The following TLL1 variants were observed in gnomAD, a reference collection of about 807,000 sequenced individuals.
TLL1 encodes the protein tolloid-like protein 1.
A neutral mutation model predicts 128.2 loss-of-function variants in TLL1; 49 were observed. The ratio of observed to expected loss-of-function variants is 0.38; its 90% CI spans 0.30 to 0.48. The LOEUF (loss-of-function observed/expected upper bound fraction) is 0.48. Among genes scored for constraint, TLL1 ranks in the 20% least tolerant of loss-of-function variants. The pLI is 0.96. For synonymous variants in TLL1, 454 were observed against 418.8 expected, an observed-to-expected ratio of 1.08 and a Z score of -1.03; for missense variants, 1,123 against 1,242.0, an observed-to-expected ratio of 0.90 and a Z score of 1.44.
At chr4:165,913,064 A>T (rs1310061468) in intron 1 of TLL1, among the ~76,000 whole-genome samples, 1 of 152,210 alleles carries the variant, frequency 6.6e-6, no homozygotes, top group Non-Finnish European at 1.5e-5. Context: ...CAGTTTTTGA[A>T]ATAAGAGATT....
In TLL1 at chr4:166,025,434, A is replaced by G; in HGVS notation, c.1158+3A>G. The G allele has an allele frequency of 6.3e-7, 1 of 1,585,426 alleles. No individual in the cohort carries two copies. Among genetic ancestry groups the G allele is most frequent in the South Asian group, 1.1e-5 (1 of 90,464 alleles). ...TTTCTGTGACCCCAGGGGAGAAGGT[A>G]GTTTATACCGTCAAGCCCACTATTT... On this transcript the variant is annotated splice_donor_region_variant and intron_variant, in intron 9 of 20. Coordinates refer to ENST00000061240, the MANE Select transcript of TLL1 (RefSeq NM_012464.5).
chr4:166,065,795 A>G lies in TLL1; in HGVS notation c.2120A>G (p.Asn707Ser), dbSNP rs748435511. 13 of 1,613,150 alleles carry G rather than the reference A, an allele frequency of 8.1e-6. No individual in the cohort carries two copies. Among genetic ancestry groups the G allele is most frequent in the Non-Finnish European group, 1.1e-5 (13 of 1,179,352 alleles). Residue 707 changes from asparagine to serine, a missense_variant, in exon 16 of 21, where the codon AAT (asparagine) becomes AGT (serine). Around this residue, in one of 3 missense-constraint regions of TLL1, gnomAD observed 634 missense variants for 672.4 expected, o/e 0.94. Coordinates refer to ENST00000061240, the MANE Select transcript of TLL1 (RefSeq NM_012464.5). ...VPEVITSQFN[N>S]MRIEFKSDNT... The stretch of plus-strand genomic sequence containing the variant: ...GAAGTGATCACATCCCAGTTCAACA[A>G]TATGAGAATTGAATTCAAATCTGAC...
chr4:166,003,598 A>T, intron 6 of TLL1, 29 bp downstream of exon 6: 1 of 1,608,642 alleles, frequency 6.2e-7, no homozygotes. Context: ...GTTGGGTTTA[A>T]GGCTGACTGG....
intron 1 of TLL1, among the ~76,000 whole-genome samples, chr4:165,893,862 G>A (rs1037848710): frequency 2.0e-5 from 3 of 151,990 alleles, no homozygotes; most frequent in African/African-American, 7.2e-5. Context: ...ATACAGAAGG[G>A]ATCCAAGCAA....
intron 1 of TLL1, among the ~76,000 whole-genome samples, chr4:165,981,968 A>C (rs1736167197): frequency 6.6e-6 from 1 of 152,046 alleles, no homozygotes; most frequent in Admixed American, 6.6e-5. Flanking sequence ...GCATGATTTC[A>C]AAGGGAAACT....
At chr4:166,030,632 G>T (rs779242057) in intron 9 of TLL1, 69 of 734,592 alleles carry the variant, frequency 9.4e-5, no homozygotes, top group Non-Finnish European at 1.3e-4. Context: ...GAGTTCTATA[G>T]TTTTACAGTC....
intron 16 of TLL1, among the ~76,000 whole-genome samples, chr4:166,069,480 T>C (rs1265852882): frequency 2.0e-5 from 3 of 151,644 alleles, no homozygotes; most frequent in Admixed American, 1.3e-4. Context: ...AGAAAGCTAT[T>C]AAAAATAAAA....
At chr4:165,975,998 A>G (rs1303396016) in intron 1 of TLL1, among the ~76,000 whole-genome samples, 2 of 137,030 alleles carry the variant, frequency 1.5e-5, no homozygotes, top group African/African-American at 5.3e-5. Flanking sequence ...AGAACATACT[A>G]CTGCACAGCC....
In TLL1 at chr4:166,039,062, C is replaced by G. The variant is rs1435387819; in HGVS notation, c.1159-277C>G. On this transcript the variant is annotated intron_variant, in intron 9 of 20. Transcript: ENST00000061240. ...TTTGCTTTACAATTGTCCAGATTAA[C>G]TTTACAGAAACTTTTTGTTAATTGC... Among the ~76,000 whole-genome samples, 575 of 151,932 alleles carry G rather than the reference C, an allele frequency of 3.8e-3. 4 individuals carry two copies. The highest frequency in any genetic ancestry group is 0.013 in the African/African-American group (544 of 41,300).
At chr4:166,041,157 G>A (rs917487144) in intron 10 of TLL1, among the ~76,000 whole-genome samples, 2 of 152,160 alleles carry the variant, frequency 1.3e-5, no homozygotes, top group African/African-American at 4.8e-5. Context: ...ATAATCTACA[G>A]ATTATAGCTT....
intron 1 of TLL1, chr4:165,919,767 T>C: frequency 2.2e-6 from 1 of 455,816 alleles, no homozygotes; most frequent in Non-Finnish European, 4.4e-6. Context: ...GATGCAGTAT[T>C]AGTGCCTCTT....
chr4:165,971,887 G>C (rs1373044211), intron 1 of TLL1, among the ~76,000 whole-genome samples: 3 of 152,126 alleles, frequency 2.0e-5, no homozygotes, highest in Non-Finnish European at 4.4e-5. Flanking sequence ...TTAGCTCTCT[G>C]GGTTCCAGAA....
chr4:166,077,149 G>C (rs529106464), intron 17 of TLL1, among the ~76,000 whole-genome samples: 1 of 151,990 alleles, frequency 6.6e-6, no homozygotes, highest in African/African-American at 2.4e-5. Context: ...AAAGAGCACA[G>C]CTTGAGGATA....
chr4:166,044,989 T>C (rs1739399819), intron 12 of TLL1, among the ~76,000 whole-genome samples: 2 of 152,176 alleles, frequency 1.3e-5, no homozygotes, highest in Admixed American at 1.3e-4. Flanking sequence ...AAAAATAAGA[T>C]AACATAAGGA....
At chr4:165,882,188 T>A (rs1180074024) in intron 1 of TLL1, among the ~76,000 whole-genome samples, 3 of 152,178 alleles carry the variant, frequency 2.0e-5, no homozygotes, top group Non-Finnish European at 4.4e-5. Context: ...TCAAATAAAC[T>A]GCTTGGAACT....
chr4:166,030,376 G>A (rs1296498834), intron 9 of TLL1: 2 of 426,010 alleles, frequency 4.7e-6, no homozygotes, highest in Non-Finnish European at 8.4e-6. Flanking sequence ...TCTTTCAACT[G>A]TAGAAGTTTT....
rs902234965 is a variant in TLL1 at position 166,029,171 on chromosome 4, A to G, written c.1158+3740A>G. 2.0e-5 allele frequency among the ~76,000 whole-genome samples: 3 copies of G among 150,508 alleles called. No individual in the cohort carries two copies. In the East Asian group the frequency reaches 5.8e-4, roughly 29 times the overall value. On this transcript the variant is annotated intron_variant, in intron 9 of 20. Transcript: ENST00000061240. ...ATGCATTGAATTATGTTTTTTTATCATTTCGTATTTTTCTCTCTACTGGTT... is the reference window on the plus strand; with the variant it reads ...ATGCATTGAATTATGTTTTTTTATCGTTTCGTATTTTTCTCTCTACTGGTT...
At chr4:165,894,560 C>G (rs1027999401) in intron 1 of TLL1, among the ~76,000 whole-genome samples, 1 of 152,122 alleles carries the variant, frequency 6.6e-6, no homozygotes, top group African/African-American at 2.4e-5. Context: ...CCAACTTAAC[C>G]TATGAGAAAT....
At chr4:165,963,825 C>A (rs1161717752) in intron 1 of TLL1, among the ~76,000 whole-genome samples, 2 of 152,058 alleles carry the variant, frequency 1.3e-5, no homozygotes, top group South Asian at 2.1e-4. Flanking sequence ...TCAGTATGGA[C>A]CTGATGAAGT....
Sources: allele counts gnomAD v4.1 joint callset (sites outside exome capture counted in the v4.1 genomes callset), GRCh38; gene constraint gnomAD v4.1.1; regional missense constraint gnomAD v4.1.1; transcripts MANE v1.5; gene names NCBI Gene and HGNC (gene_info 2026-07-23, HGNC 2026-07-21).